ABCG5: variants seen among roughly 807,000 people sequenced by gnomAD.
ABCG5 encodes the protein ATP-binding cassette sub-family G member 5.
Under a neutral mutation model 64.5 loss-of-function variants are expected in ABCG5, and 64 were observed. The ratio of observed to expected loss-of-function variants is 0.99; its 90% CI spans 0.81 to 1.22. The LOEUF is 1.22. Ranked by LOEUF, ABCG5 falls within the 50% of genes most tolerant of loss-of-function variation. The pLI is 0.00. For missense variants in ABCG5, 908 were observed against 829.5 expected, an observed-to-expected ratio of 1.09 and a Z score of -1.16; for synonymous variants, 385 against 326.3, an observed-to-expected ratio of 1.18 and a Z score of -1.94.
chr2:43,835,749 A>C (rs996804066), intron 2 of ABCG5, among the ~76,000 whole-genome samples: 4 of 152,116 alleles, frequency 2.6e-5, no homozygotes, highest in Admixed American at 1.3e-4. Context: ...TCTGCCATGC[A>C]AGGTTAGGGT....
chr2:43,824,594 C>A, intron 7 of ABCG5, 162 bp from the exon 8 acceptor site: 2 of 985,394 alleles, frequency 2.0e-6, no homozygotes, highest in Non-Finnish European at 2.4e-6. Flanking sequence ...TAAAGCATCC[C>A]AGCAGGGCCT....
chr2:43,822,281 C>T (rs1667262350), intron 10 of ABCG5, among the ~76,000 whole-genome samples: 1 of 152,090 alleles, frequency 6.6e-6, no homozygotes. Flanking sequence ...TCCTTTAACC[C>T]CTGCAATATT....
chr2:43,806,339 G>C, the ABCG5 span, among the ~76,000 whole-genome samples: 1 of 152,210 alleles, frequency 6.6e-6, no homozygotes, highest in Non-Finnish European at 1.5e-5. Context: ...ACGTTGTTGC[G>C]AGGGTAACCT....
chr2:43,827,051 G>A (rs1478217439), intron 5 of ABCG5, among the ~76,000 whole-genome samples: 3 of 152,166 alleles, frequency 2.0e-5, no homozygotes, highest in Admixed American at 1.3e-4. Flanking sequence ...GGGGCCGGGC[G>A]CGGTGGCTCA....
chr2:43,813,674 GTTTTTTT>G (rs1284706812), intron 12 of ABCG5, among the ~76,000 whole-genome samples: 1 of 20,308 alleles, frequency 4.9e-5, no homozygotes, highest in African/African-American at 1.2e-4. Context: ...TTTTTTGGTT[GTTTTTTT>G]TTTGTTTTTT....
downstream of ABCG5, among the ~76,000 whole-genome samples, chr2:43,809,548 G>C (rs1359892617): frequency 6.6e-6 from 1 of 152,138 alleles, no homozygotes; most frequent in Non-Finnish European, 1.5e-5. Flanking sequence ...TAAGTCCTAA[G>C]CATAATCATT....
At position 43,820,098 on chromosome 2, in the gene ABCG5, G is replaced by A. The variant is rs371933669; in HGVS notation, c.1466C>T (p.Thr489Met). The change falls in exon 11 of 13, where the codon ACG becomes ATG. Residue 489 changes from threonine (T) to methionine (M), a missense_variant and splice_region_variant. Physicochemically the swap from Thr to Met is moderately conservative, Grantham distance 81. Coordinates refer to ENST00000405322, the MANE Select transcript of ABCG5 (RefSeq NM_022436.3). ...TMIFSSVCYW[T>M]LGLHPEVARF... ...GGCAACCTCAGGATGTAAGCCCAGC[G>A]TCCTAGAAAAGCATAAGCTCTTTAG... The A allele has an allele frequency of 4.5e-5, 73 of 1,613,410 alleles. 1 individual carries two copies. Among genetic ancestry groups the A allele is most frequent in the South Asian group, 2.7e-4 (25 of 90,954 alleles).
intron 11 of ABCG5, among the ~76,000 whole-genome samples, 175 bp downstream of exon 11, chr2:43,819,740 A>G (rs1667066394): frequency 6.6e-6 from 1 of 152,330 alleles, no homozygotes; most frequent in East Asian, 1.9e-4. Flanking sequence ...TTATTGAACA[A>G]ATGAACAGTT....
intron 2 of ABCG5, among the ~76,000 whole-genome samples, chr2:43,833,673 C>T (rs1418776374): frequency 6.7e-6 from 1 of 150,286 alleles, no homozygotes; most frequent in East Asian, 2.0e-4. Context: ...CGTGAGCCAC[C>T]GGGCCCAGCC....
Position 43,833,768 on chromosome 2 carries a change from G to A in ABCG5, c.266-1685C>T, listed in dbSNP as rs192211303. Reference sequence around the variant, plus strand: ...GGCAAGATCTCAGCTCACTGCAACCGCTGTCTCCCAGGTTCAAACAATTAT... The same window carrying A: ...GGCAAGATCTCAGCTCACTGCAACCACTGTCTCCCAGGTTCAAACAATTAT... On this transcript the variant is annotated intron_variant, in intron 2 of 12. Transcript: ENST00000405322. Among the ~76,000 whole-genome samples, 440 of 152,156 alleles carry A rather than the reference G, an allele frequency of 2.9e-3. 3 individuals carry two copies. Among genetic ancestry groups the A allele is most frequent in the African/African-American group, 0.01 (430 of 41,506 alleles).
At position 43,838,788 on chromosome 2, in the gene ABCG5, C is replaced by T. The variant is rs921242182; in HGVS notation, c.-109G>A. 4.6e-5 allele frequency: 72 copies of T among 1,552,012 alleles called. No individual in the cohort carries two copies. Among genetic ancestry groups the T allele is most frequent in the South Asian group, 2.2e-4 (18 of 83,696 alleles). On this transcript the variant is annotated 5_prime_UTR_variant, in exon 1 of 13. Transcript: ENST00000405322. The surrounding 1 kb of genome is among the most constrained non-coding windows in gnomAD (Gnocchi z 4.2). ...CTGCCCTGCCTGCTCCACCTGACCC[C>T]GGAGTCCCTTGGGACAGCAGGACTG...
intron 2 of ABCG5, among the ~76,000 whole-genome samples, chr2:43,833,275 G>T (rs977378892): frequency 6.6e-6 from 1 of 152,090 alleles, no homozygotes; most frequent in Non-Finnish European, 1.5e-5. Flanking sequence ...AGAGAAATAG[G>T]CAGGAAGTTC....
chr2:43,813,378 C>A, intron 12 of ABCG5, 69 bp from the exon 13 acceptor site: 1 of 1,123,322 alleles, frequency 8.9e-7, no homozygotes, highest in Non-Finnish European at 1.3e-6. Flanking sequence ...AAGTATTTAC[C>A]AAGCGCTTGC....
chr2:43,830,856 G>C (rs555641000), intron 4 of ABCG5, among the ~76,000 whole-genome samples: 1 of 152,234 alleles, frequency 6.6e-6, no homozygotes, highest in Non-Finnish European at 1.5e-5. Flanking sequence ...TTAAGAAAGA[G>C]ATTGGAACCT....
downstream of ABCG5, among the ~76,000 whole-genome samples, chr2:43,808,964 TACACACACACACAC>T (rs56090427): frequency 2.1e-5 from 3 of 145,466 alleles, no homozygotes; most frequent in Non-Finnish European, 3.0e-5. Context: ...GGACAAAGGA[TACACACACACACAC>T]ACACACACAC....
downstream of ABCG5, among the ~76,000 whole-genome samples, chr2:43,808,247 C>A (rs1666341109): frequency 7.0e-6 from 1 of 142,050 alleles, no homozygotes. Context: ...TCCTAGAATC[C>A]AATGAGGAAG....
chr2:43,809,119 G>C (rs891041945), downstream of ABCG5, among the ~76,000 whole-genome samples: 22 of 152,008 alleles, frequency 1.4e-4, no homozygotes, highest in African/African-American at 5.1e-4. Flanking sequence ...CTCCCAAGTA[G>C]CTGGGACCAC....
chr2:43,828,340 A>G (rs1256664348), intron 4 of ABCG5: 1 of 616,324 alleles, frequency 1.6e-6, no homozygotes, highest in Non-Finnish European at 2.8e-6. Context: ...TGAATTTTTT[A>G]AAACGTCCCC....
intron 11 of ABCG5, among the ~76,000 whole-genome samples, chr2:43,815,757 A>G (rs17031664): frequency 0.091 from 13,852 of 152,148 alleles, 745 homozygotes; most frequent in South Asian, 0.18. Context: ...GCTCGGAACA[A>G]TAGCCAGCAA....
Sources: gnomAD v4.1 joint callset for allele counts (sites outside exome capture counted in the v4.1 genomes callset) on GRCh38, gnomAD v4.1.1 for gene constraint, Gnocchi (gnomAD v3.1) non-coding constraint, MANE v1.5 for transcripts, NCBI Gene and HGNC (gene_info 2026-07-23, HGNC 2026-07-21) for gene names.